Variants in SNRNP35 observed in about 807,000 individuals in gnomAD.
SNRNP35 encodes small nuclear ribonucleoprotein U11/U12 subunit 35, also known as U11/U12 small nuclear ribonucleoprotein 35 kDa protein.
SNRNP35 carries 16 observed loss-of-function variants against 24.3 expected under a neutral mutation model. The observed-to-expected ratio is 0.66, with a 90% CI of 0.45 to 1.00. SNRNP35 has a LOEUF of 1.00. Among genes scored for constraint, SNRNP35 ranks in the 50% least tolerant of loss-of-function variants. The pLI, the probability that SNRNP35 is intolerant of heterozygous loss-of-function variation, is 0.00. For synonymous variants in SNRNP35, 106 were observed against 124.8 expected, an observed-to-expected ratio of 0.85 and a Z score of 1.00; for missense variants, 292 against 327.2, an observed-to-expected ratio of 0.89 and a Z score of 0.83.
At chr12:123,460,064 T>C (rs931287003) in intron 1 of SNRNP35, among the ~76,000 whole-genome samples, 1 of 152,172 alleles carries the variant, frequency 6.6e-6, no homozygotes, top group Non-Finnish European at 1.5e-5. Context: ...ACTCCTGACT[T>C]CAAATGATCC....
At position 123,465,978 on chromosome 12, in the gene SNRNP35, A is replaced by T. The variant is rs1290346789; in HGVS notation, c.438A>T (p.Gly146=). The part of the protein sequence containing the change: ...IPRRLGGGLG[G]KKESGQLRFG... ...GGCGACTTGGAGGCGGTCTTGGGGG[A>T]AAAAAGGAGTCTGGGCAACTGAGAT... The change falls in exon 2 of 2, where the codon GGA becomes GGT. Residue 146 remains glycine (G), a synonymous_variant. Transcript: ENST00000526639. The surrounding 1 kb of genome is among the most constrained non-coding windows in gnomAD (Gnocchi z 4.2). 6.8e-6 allele frequency: 11 copies of T among 1,613,798 alleles called. No individual in the cohort carries two copies. Among genetic ancestry groups the T allele is most frequent in the Non-Finnish European group, 9.3e-6 (11 of 1,179,950 alleles).
chr12:123,472,652 G>T, exon 2 of SNRNP35: 2 of 1,599,012 alleles, frequency 1.3e-6, no homozygotes, highest in Non-Finnish European at 1.7e-6. Flanking sequence ...TGTTGGCCAG[G>T]CGCTTCTTAT....
Position 123,466,429 on chromosome 12 carries a change from G to A in SNRNP35, c.*148G>A, listed in dbSNP as rs371783735. 69 of 778,188 alleles carry A rather than the reference G, an allele frequency of 8.9e-5. No homozygotes were observed. Among genetic ancestry groups the A allele is most frequent in the Middle Eastern group, 3.4e-4 (1 of 2,908 alleles). 48.2% of individuals were successfully genotyped at this position (778,188 alleles called of 1,614,324 possible). The stretch of plus-strand genomic sequence containing the variant: ...AGTTTTCTTTCCAATCTGGAACTTC[G>A]GTTCAAGCTGATAGGAATTTATCAT... On this transcript the variant is annotated 3_prime_UTR_variant, in exon 2 of 2. Transcript: ENST00000526639.
chr12:123,464,237 A>G (rs1392957058), intron 1 of SNRNP35, among the ~76,000 whole-genome samples: 1 of 143,372 alleles, frequency 7.0e-6, no homozygotes, highest in Non-Finnish European at 1.5e-5. Context: ...CCAGCCAGCC[A>G]AGGTTTTTTT....
At position 123,466,524 on chromosome 12, in the gene SNRNP35, TGTA is replaced by T; in HGVS notation, c.*244_*246del. 2.6e-6 allele frequency: 1 copy of T among 387,632 alleles called. No homozygotes were observed. The allele number at this position is 387,632 out of a possible 1,614,324, so 24.0% of individuals were successfully genotyped here. A position where few individuals can be genotyped will look rare whatever the true frequency, so the allele number is the denominator to read the frequency against. ...AAGCAATTTTGTAGTTACTGGCATC[TGTA>T]CAGAAGGGCATTTTCTTTTCTTTTC... On this transcript the variant is annotated 3_prime_UTR_variant, in exon 2 of 2. Transcript: ENST00000526639.
At chr12:123,463,930 ATT>A (rs35927970) in intron 1 of SNRNP35, among the ~76,000 whole-genome samples, 26 of 110,476 alleles carry the variant, frequency 2.4e-4, no homozygotes, top group Admixed American at 2.9e-4. Context: ...CGCCTGGCTA[ATT>A]TTTTTTTTTT....
chr12:123,469,471 T>C (rs768861996), downstream of SNRNP35, among the ~76,000 whole-genome samples: 2 of 151,806 alleles, frequency 1.3e-5, no homozygotes, highest in Non-Finnish European at 2.9e-5. Flanking sequence ...CGCTGTCTTA[T>C]GTACTCATAT....
At chr12:123,459,654 GGTGT>G (rs1167907952) in intron 1 of SNRNP35, 1 of 532,030 alleles carries the variant, frequency 1.9e-6, no homozygotes, top group Admixed American at 3.3e-5. Flanking sequence ...TGGGCGTGGT[GGTGT>G]GTGTCTGTAA....
At chr12:123,463,744 A>G (rs1880768723) in intron 1 of SNRNP35, among the ~76,000 whole-genome samples, 1 of 151,002 alleles carries the variant, frequency 6.6e-6, no homozygotes, top group Non-Finnish European at 1.5e-5. Flanking sequence ...TTCTTCCAGG[A>G]AAGACCTGGT....
At position 123,466,209 on chromosome 12, in the gene SNRNP35, T is replaced by C. The variant is rs760666219; in HGVS notation, c.669T>C (p.Asn223=). The C allele has an allele frequency of 1.6e-5, 25 of 1,573,758 alleles. No individual in the cohort carries two copies. Among genetic ancestry groups the C allele is most frequent in the Non-Finnish European group, 2.1e-5 (24 of 1,163,930 alleles). The part of the protein sequence containing the change: ...EREPTRVWPD[N]DWERERDFRD... ...AGCCGACCAGGGTGTGGCCCGACAA[T>C]GACTGGGAGAGAGAGAGGGACTTCA... Residue 223 remains asparagine (N), a synonymous_variant, in exon 2 of 2, where the codon AAT becomes AAC. Transcript: ENST00000526639.
At chr12:123,471,661 C>A (rs1050892934), downstream of SNRNP35, 2 of 152,442 alleles carry the variant, frequency 1.3e-5, no homozygotes, top group Admixed American at 6.5e-5. Flanking sequence ...ACAGCTCCCC[C>A]ACCTGCCCTC....
exon 2 of SNRNP35, chr12:123,472,631 G>A (rs1252363598): frequency 2.5e-6 from 4 of 1,593,756 alleles, no homozygotes; most frequent in African/African-American, 2.7e-5. Context: ...GGATGTGCAC[G>A]TTTCTCTGTG....
intron 1 of SNRNP35, chr12:123,459,908 T>C (rs776559585): frequency 6.5e-7 from 1 of 1,540,070 alleles, no homozygotes. Flanking sequence ...GCTGTTAGTA[T>C]CTATAGAAGC....
At chr12:123,463,732 ACTT>A (rs1241603141) in intron 1 of SNRNP35, among the ~76,000 whole-genome samples, 2 of 148,952 alleles carry the variant, frequency 1.3e-5, no homozygotes, top group Non-Finnish European at 1.5e-5. Context: ...AACTTTTGGG[ACTT>A]CTTCCAGGAA....
intron 1 of SNRNP35, chr12:123,464,445 T>G (rs1386394967): frequency 1.3e-5 from 2 of 152,060 alleles, no homozygotes; most frequent in African/African-American, 4.8e-5. Context: ...CGTTTCACCG[T>G]GTTAGCCAGG....
downstream of SNRNP35, among the ~76,000 whole-genome samples, chr12:123,468,358 CAA>C (rs62816460): frequency 3.3e-5 from 3 of 92,258 alleles, no homozygotes; most frequent in African/African-American, 4.9e-5. Flanking sequence ...GACTCTGTCT[CAA>C]AAAAAAAAAA....
Position 123,465,749 on chromosome 12 carries a change from T to A in SNRNP35, c.209T>A (p.Val70Asp). Residue 70 changes from valine (V) to aspartate (D), a missense_variant, in exon 2 of 2, where the codon GTC (valine) becomes GAC (aspartate). By Grantham distance (152) the Val-to-Asp change is radical. Coordinates refer to ENST00000526639, the MANE Select transcript of SNRNP35 (RefSeq NM_022717.4). This position sits in a 1 kb window ranked among gnomAD's most constrained non-coding sequence, Gnocchi z 4.2. ...ACCAAGGAGGACAAATTAAAGGAAG[T>A]CTTTTCCCGCTATGGTGACATCCGG... The part of the protein sequence containing the change: ...LQTKEDKLKE[V>D]FSRYGDIRRL... The A allele has an allele frequency of 6.2e-7, 1 of 1,613,910 alleles. No homozygotes were observed. Among genetic ancestry groups the A allele is most frequent in the South Asian group, 1.1e-5 (1 of 91,064 alleles).
At chr12:123,463,306 C>T (rs1880734997) in intron 1 of SNRNP35, among the ~76,000 whole-genome samples, 1 of 152,080 alleles carries the variant, frequency 6.6e-6, no homozygotes, top group South Asian at 2.1e-4. Flanking sequence ...AAGTGATCGT[C>T]CCACCTTGGC....
intron 1 of SNRNP35, among the ~76,000 whole-genome samples, chr12:123,460,956 CTTTTTTTTTTTTTTTT>C (rs35246652): frequency 8.1e-6 from 1 of 122,776 alleles, no homozygotes; most frequent in Non-Finnish European, 1.7e-5. Context: ...TGCGCCTGGC[CTTTTTTTTTTTTTTTT>C]TTTTTTTTTT....
Sources: gnomAD v4.1 joint callset for allele counts (sites outside exome capture counted in the v4.1 genomes callset) on GRCh38, gnomAD v4.1.1 for gene constraint, Gnocchi (gnomAD v3.1) non-coding constraint, MANE v1.5 for transcripts, NCBI Gene and HGNC (gene_info 2026-07-23, HGNC 2026-07-21) for gene names.